Variants in ARHGEF28 observed in about 807,000 individuals in gnomAD.
ARHGEF28 encodes the protein Rho guanine nucleotide exchange factor 28.
In ARHGEF28, 152 loss-of-function variants were observed where a neutral mutation model predicts 206.6. That is an observed-to-expected ratio of 0.74 (90% CI 0.64 to 0.84). ARHGEF28 has a LOEUF of 0.84. Ranked by LOEUF, ARHGEF28 falls within the 40% of genes least tolerant of loss-of-function variation. The pLI is 0.00. For synonymous variants in ARHGEF28, 763 were observed against 776.4 expected, an observed-to-expected ratio of 0.98 and a Z score of 0.29; for missense variants, 2,028 against 2,073.2, an observed-to-expected ratio of 0.98 and a Z score of 0.42.
At chr5:73,932,035 G>T (rs1424752632) in intron 35 of ARHGEF28, among the ~76,000 whole-genome samples, 1 of 152,152 alleles carries the variant, frequency 6.6e-6, no homozygotes. Flanking sequence ...AGCTTTTGGT[G>T]TTAAAATGTA....
chr5:73,672,332 T>C (rs1746401740), intron 1 of ARHGEF28, among the ~76,000 whole-genome samples: 1 of 152,214 alleles, frequency 6.6e-6, no homozygotes, highest in Non-Finnish European at 1.5e-5. Context: ...CATGTCCTTA[T>C]CTGTCTTCAT....
At chr5:73,745,341 C>A (rs1406448803) in intron 2 of ARHGEF28, among the ~76,000 whole-genome samples, 1 of 151,982 alleles carries the variant, frequency 6.6e-6, no homozygotes, top group Non-Finnish European at 1.5e-5. Flanking sequence ...TTAGAACATG[C>A]AAACTGGTGT....
Position 73,767,359 on chromosome 5 carries a change from G to A in ARHGEF28, c.476-6496G>A, listed in dbSNP as rs1255959920. ...AATTTGGAGGGCTCAGAAGAAGACA[G>A]GAAAATGTGCAAAAGTTTGGAACTT... is the stretch of plus-strand genomic sequence containing the variant. On this transcript the variant is annotated intron_variant, in intron 4 of 35. Coordinates refer to ENST00000513042, the MANE Select transcript of ARHGEF28 (RefSeq NM_001177693.2). Among the ~76,000 whole-genome samples, 2 of 152,136 alleles carry A rather than the reference G, an allele frequency of 1.3e-5. 1 individual carries two copies. The highest frequency in any genetic ancestry group is 4.8e-5 in the African/African-American group (2 of 41,388).
At chr5:73,820,662 A>G (rs1329576518) in intron 9 of ARHGEF28, among the ~76,000 whole-genome samples, 1 of 151,956 alleles carries the variant, frequency 6.6e-6, no homozygotes, top group African/African-American at 2.4e-5. Context: ...CTGGCTGCTG[A>G]CCTAGATGCT....
At chr5:73,711,762 A>G (rs1345235729) in intron 2 of ARHGEF28, among the ~76,000 whole-genome samples, 1 of 151,802 alleles carries the variant, frequency 6.6e-6, no homozygotes, top group Non-Finnish European at 1.5e-5. Flanking sequence ...TTTTTTGTAG[A>G]TGATAATCAT....
At chr5:73,762,170 T>C (rs1016612812) in intron 4 of ARHGEF28, among the ~76,000 whole-genome samples, 2 of 151,840 alleles carry the variant, frequency 1.3e-5, no homozygotes, top group Non-Finnish European at 2.9e-5. Flanking sequence ...AAAATCTATT[T>C]TGAGGCTGAG....
At chr5:73,803,198 T>G (rs1755245538) in intron 9 of ARHGEF28, 1 of 154,694 alleles carries the variant, frequency 6.5e-6, no homozygotes, top group Non-Finnish European at 1.5e-5. Flanking sequence ...AAAGAACATT[T>G]GACAGTTATG....
chr5:73,932,995 A>G (rs955327239), intron 35 of ARHGEF28, among the ~76,000 whole-genome samples: 1 of 151,504 alleles, frequency 6.6e-6, no homozygotes, highest in Non-Finnish European at 1.5e-5. Flanking sequence ...TATTTTTAGT[A>G]GAGACGGGGT....
intron 29 of ARHGEF28, among the ~76,000 whole-genome samples, chr5:73,897,474 T>G (rs911814812): frequency 6.6e-6 from 1 of 152,222 alleles, no homozygotes; most frequent in East Asian, 1.9e-4. Flanking sequence ...AAGATAAGTG[T>G]AGGGAAATAC....
At chr5:73,754,049 A>G (rs1284101901) in intron 4 of ARHGEF28, among the ~76,000 whole-genome samples, 2 of 152,234 alleles carry the variant, frequency 1.3e-5, no homozygotes, top group Non-Finnish European at 1.5e-5. Context: ...AATTTATTAA[A>G]TACAACATAT....
At chr5:73,703,869 C>T (rs994416527) in intron 2 of ARHGEF28, among the ~76,000 whole-genome samples, 3 of 151,856 alleles carry the variant, frequency 2.0e-5, no homozygotes, top group Non-Finnish European at 4.4e-5. Flanking sequence ...AACCCCGTCT[C>T]TACTAAAAAT....
intron 35 of ARHGEF28, 84 bp from the exon 36 acceptor site, chr5:73,940,760 A>C (rs1742556548): frequency 8.2e-7 from 1 of 1,226,522 alleles, no homozygotes; most frequent in African/African-American, 1.6e-5. Flanking sequence ...TGCATTTCCT[A>C]ATCTTAGAGA....
intron 2 of ARHGEF28, among the ~76,000 whole-genome samples, chr5:73,723,002 T>C (rs555982445): frequency 2.0e-5 from 3 of 152,336 alleles, no homozygotes; most frequent in South Asian, 4.1e-4. Context: ...TCCTTTCTTA[T>C]GTAGTATGAA....
chr5:73,683,091 C>T (rs1017681792), intron 1 of ARHGEF28, among the ~76,000 whole-genome samples: 3 of 152,146 alleles, frequency 2.0e-5, no homozygotes, highest in Admixed American at 1.3e-4. Context: ...ACCTGGCCCG[C>T]AGTTGGTGTT....
intron 1 of ARHGEF28, among the ~76,000 whole-genome samples, chr5:73,640,954 C>T (rs1744039059): frequency 6.6e-6 from 1 of 152,196 alleles, no homozygotes; most frequent in African/African-American, 2.4e-5. Context: ...GTCAATTTAG[C>T]ACTTCTGCGT....
intron 1 of ARHGEF28, among the ~76,000 whole-genome samples, chr5:73,669,138 A>T (rs528185705): frequency 2.3e-4 from 35 of 152,324 alleles, no homozygotes; most frequent in African/African-American, 7.5e-4. Context: ...AATATATTTT[A>T]AAAATTCCAA....
intron 2 of ARHGEF28, among the ~76,000 whole-genome samples, chr5:73,717,374 T>C (rs1463734874): frequency 1.3e-5 from 2 of 152,200 alleles, no homozygotes; most frequent in East Asian, 3.9e-4. Flanking sequence ...GTTACCCTCC[T>C]TTATTTCTCT....
At chr5:73,788,371 G>T (rs1276439388) in intron 7 of ARHGEF28, among the ~76,000 whole-genome samples, 1 of 151,966 alleles carries the variant, frequency 6.6e-6, no homozygotes, top group Non-Finnish European at 1.5e-5. Context: ...CTCAGATTAG[G>T]GGCACCAATC....
At position 73,898,077 on chromosome 5, in the gene ARHGEF28, A is replaced by G. The variant is rs780953709; in HGVS notation, c.3957A>G (p.Pro1319=). 8 of 1,611,966 alleles carry G rather than the reference A, an allele frequency of 5.0e-6. No individual in the cohort carries two copies. In the South Asian group the frequency reaches 8.9e-5, roughly 18 times the overall value. Residue 1319 remains proline (P), a synonymous_variant, in exon 30 of 36, where the codon CCA becomes CCG. Transcript: ENST00000513042. ...LADTLSSHDV[P]GSPTASLVTG... ...ACACACTCAGTTCTCATGATGTACC[A>G]GGATCACCGACTGCCTGTAAGTGAA...
Sources: gnomAD v4.1 joint callset for allele counts (sites outside exome capture counted in the v4.1 genomes callset) on GRCh38, gnomAD v4.1.1 for gene constraint, MANE v1.5 for transcripts, NCBI Gene and HGNC (gene_info 2026-07-23, HGNC 2026-07-21) for gene names.